Variants in CHSY3 observed in about 807,000 individuals in gnomAD.
CHSY3 encodes the protein N-acetylgalactosaminyl-proteoglycan 3-beta-glucuronosyltransferase 3.
CHSY3 carries 35 observed loss-of-function variants against 67.2 expected under a neutral mutation model. The ratio of observed to expected loss-of-function variants is 0.52; its 90% CI spans 0.40 to 0.69. The LOEUF (loss-of-function observed/expected upper bound fraction) is 0.69, where lower values mean the gene tolerates loss of function less well. Ranked by LOEUF, CHSY3 falls within the 30% of genes least tolerant of loss-of-function variation. CHSY3 has a pLI of 0.00. For synonymous variants in CHSY3, 474 were observed against 434.7 expected (o/e 1.09, Z -1.12); for missense variants, 1,069 against 1,138.5 (o/e 0.94, Z 0.88).
At chr5:130,153,403 C>T (rs1342922287) in intron 2 of CHSY3, among the ~76,000 whole-genome samples, 2 of 152,080 alleles carry the variant, frequency 1.3e-5, no homozygotes, top group South Asian at 2.1e-4. Context: ...GATGTTTTCT[C>T]AAAACATCAT....
chr5:130,097,207 G>T (rs1477888763), intron 2 of CHSY3, among the ~76,000 whole-genome samples: 2 of 152,214 alleles, frequency 1.3e-5, no homozygotes, highest in Admixed American at 1.3e-4. Context: ...AGGGCCCCTA[G>T]GTAACCCACT....
At chr5:130,086,999 C>T (rs1023332510) in intron 2 of CHSY3, among the ~76,000 whole-genome samples, 27 of 152,126 alleles carry the variant, frequency 1.8e-4, no homozygotes, top group Non-Finnish European at 3.4e-4. Context: ...TCCAGCAGCA[C>T]ATCAAAAAGC....
intron 2 of CHSY3, among the ~76,000 whole-genome samples, chr5:129,910,173 A>G (rs911508883): frequency 6.6e-6 from 1 of 152,014 alleles, no homozygotes; most frequent in Non-Finnish European, 1.5e-5. Context: ...AATAAGTGCA[A>G]TCTTAGATCC....
intron 2 of CHSY3, among the ~76,000 whole-genome samples, chr5:130,133,682 G>GCC (rs2149715010): frequency 6.9e-6 from 1 of 145,692 alleles, no homozygotes; most frequent in Admixed American, 7.1e-5. Context: ...TGAGGCACGA[G>GCC]AATTGCTTGA....
chr5:130,076,607 T>C (rs1290148197), intron 2 of CHSY3, among the ~76,000 whole-genome samples: 1 of 151,936 alleles, frequency 6.6e-6, no homozygotes, highest in Non-Finnish European at 1.5e-5. Flanking sequence ...GCACACTTCA[T>C]ATGTTCTCTA....
chr5:129,956,536 T>C (rs973907540), intron 2 of CHSY3, among the ~76,000 whole-genome samples: 9 of 152,238 alleles, frequency 5.9e-5, no homozygotes, highest in African/African-American at 2.2e-4. Flanking sequence ...TTTCTTTTGC[T>C]GTGCAGAAGC....
chr5:130,066,294 A>G (rs943479166), intron 2 of CHSY3, among the ~76,000 whole-genome samples: 6 of 152,094 alleles, frequency 3.9e-5, no homozygotes, highest in African/African-American at 1.4e-4. Flanking sequence ...TGGGGATAAT[A>G]TTTTGCTGCC....
chr5:129,930,672 G>C lies in CHSY3; in HGVS notation c.1086+22312G>C, dbSNP rs144595527. On this transcript the variant is annotated intron_variant, in intron 2 of 2. Coordinates refer to ENST00000305031, the MANE Select transcript of CHSY3 (RefSeq NM_175856.5). ...AGATGAGGCAGTCACAGAACCAAAA[G>C]AGGAAACCCGAGACCCTTACCCCCA... Among the ~76,000 whole-genome samples the C allele has an allele frequency of 2.0e-3, 305 of 152,078 alleles. 1 individual carries two copies. Among genetic ancestry groups the C allele is most frequent in the African/African-American group, 6.2e-3 (257 of 41,508 alleles).
intron 2 of CHSY3, among the ~76,000 whole-genome samples, chr5:130,012,344 GA>G (rs1362131261): frequency 1.3e-5 from 2 of 152,184 alleles, no homozygotes; most frequent in African/African-American, 4.8e-5. Context: ...AAGCACAAGG[GA>G]GAGGACTGCT....
At chr5:130,027,928 A>G (rs564432711) in intron 2 of CHSY3, among the ~76,000 whole-genome samples, 11 of 152,264 alleles carry the variant, frequency 7.2e-5, no homozygotes, top group African/African-American at 2.6e-4. Context: ...GCTGCAATAA[A>G]CATATGTGTG....
chr5:129,952,581 T>C (rs1262006259), intron 2 of CHSY3, among the ~76,000 whole-genome samples: 1 of 152,214 alleles, frequency 6.6e-6, no homozygotes, highest in Non-Finnish European at 1.5e-5. Context: ...ATGCCTTTAA[T>C]GAAAATGTCC....
chr5:130,106,457 C>T (rs1213921894), intron 2 of CHSY3, among the ~76,000 whole-genome samples: 1 of 151,546 alleles, frequency 6.6e-6, no homozygotes, highest in East Asian at 1.9e-4. Context: ...GGGGATACAG[C>T]AGAGAATAAA....
chr5:130,168,855 G>A (rs73248921), intron 2 of CHSY3, among the ~76,000 whole-genome samples: 8,168 of 152,082 alleles, frequency 0.054, 612 homozygotes, highest in African/African-American at 0.15. Context: ...CTATGAATGT[G>A]TATAGTTAGT....
intron 2 of CHSY3, among the ~76,000 whole-genome samples, chr5:129,958,424 C>T (rs1199287990): frequency 2.6e-5 from 4 of 152,142 alleles, no homozygotes; most frequent in Admixed American, 6.6e-5. Flanking sequence ...TTATTCCTTG[C>T]ATTGGGTGCG....
intron 2 of CHSY3, among the ~76,000 whole-genome samples, chr5:130,019,409 A>G (rs1297547832): frequency 6.6e-6 from 1 of 152,112 alleles, no homozygotes; most frequent in Non-Finnish European, 1.5e-5. Flanking sequence ...CCCGATACTC[A>G]TACAGTCCCC....
Position 130,185,229 on chromosome 5 carries a change from C to T in CHSY3, c.2087C>T (p.Ser696Phe), listed in dbSNP as rs1224219203. ...MTLIPMKGEF[S>F]RGLGLEMASA... ...CTGATCCCAATGAAGGGAGAGTTTTCCAGAGGTCTTGGTCTTGAAATGGCT... is the reference window on the plus strand; with the variant it reads ...CTGATCCCAATGAAGGGAGAGTTTTTCAGAGGTCTTGGTCTTGAAATGGCT... The change falls in exon 3 of 3, where the codon TCC becomes TTC. Residue 696 changes from serine (S) to phenylalanine (F), a missense_variant. By Grantham distance (155) the Ser-to-Phe change is radical (BLOSUM62 -2). Transcript: ENST00000305031. 3 of 1,607,402 alleles carry T rather than the reference C, an allele frequency of 1.9e-6. No individual in the cohort carries two copies. The highest frequency in any genetic ancestry group is 1.7e-5 in the Admixed American group (1 of 60,004).
At chr5:129,954,435 T>G (rs1450649197) in intron 2 of CHSY3, among the ~76,000 whole-genome samples, 1 of 152,078 alleles carries the variant, frequency 6.6e-6, no homozygotes, top group East Asian at 1.9e-4. Flanking sequence ...CTGTGCTCTT[T>G]TTGCTTAGGA....
intron 2 of CHSY3, among the ~76,000 whole-genome samples, chr5:130,134,957 C>T (rs913595065): frequency 6.6e-6 from 1 of 151,696 alleles, no homozygotes; most frequent in African/African-American, 2.4e-5. Flanking sequence ...TCCCCAGTCA[C>T]CCATTTGTGA....
At chr5:129,935,541 A>G (rs1193468995) in intron 2 of CHSY3, among the ~76,000 whole-genome samples, 4 of 152,214 alleles carry the variant, frequency 2.6e-5, no homozygotes, top group Non-Finnish European at 5.9e-5. Context: ...GTATTCATCC[A>G]CAACAGGGAT....
Sources: gnomAD v4.1 joint callset for allele counts (sites outside exome capture counted in the v4.1 genomes callset) on GRCh38, gnomAD v4.1.1 for gene constraint, MANE v1.5 for transcripts, NCBI Gene and HGNC (gene_info 2026-07-23, HGNC 2026-07-21) for gene names.